PHACTR3: variants seen among roughly 807,000 people sequenced by gnomAD.
The protein encoded by PHACTR3 is phosphatase and actin regulator 3, also known as protein phosphatase 1, regulatory subunit 123.
PHACTR3 carries 16 observed loss-of-function variants against 66.8 expected under a neutral mutation model. The ratio of observed to expected loss-of-function variants is 0.24; its 90% CI spans 0.16 to 0.36. PHACTR3 has a LOEUF of 0.36. Ranked by LOEUF, PHACTR3 falls within the 10% of genes least tolerant of loss-of-function variation. The pLI is 1.00. For missense variants in PHACTR3, 647 were observed against 719.9 expected, an observed-to-expected ratio of 0.90 and a Z score of 1.16; for synonymous variants, 323 against 292.1, an observed-to-expected ratio of 1.11 and a Z score of -1.08.
intron 1 of PHACTR3, among the ~76,000 whole-genome samples, chr20:59,685,313 CT>C (rs2146555819): frequency 6.6e-6 from 1 of 152,328 alleles, no homozygotes; most frequent in East Asian, 1.9e-4. Context: ...CTCATCTTGT[CT>C]TCCATTCCTG....
chr20:59,801,745 G>C (rs1291423578), intron 7 of PHACTR3, among the ~76,000 whole-genome samples: 1 of 152,206 alleles, frequency 6.6e-6, no homozygotes, highest in Non-Finnish European at 1.5e-5. Flanking sequence ...TCTCCATGGA[G>C]TGAAAATGTT....
At chr20:59,712,477 C>T (rs1445812606) in intron 1 of PHACTR3, among the ~76,000 whole-genome samples, 1 of 152,096 alleles carries the variant, frequency 6.6e-6, no homozygotes, top group Non-Finnish European at 1.5e-5. Context: ...TTTTTTTATA[C>T]TGTGGTCCCC....
intron 8 of PHACTR3, among the ~76,000 whole-genome samples, chr20:59,812,609 C>T (rs1252473801): frequency 6.6e-6 from 1 of 152,232 alleles, no homozygotes; most frequent in Non-Finnish European, 1.5e-5. Context: ...GAAACCGTGC[C>T]TGGCCAGCCA....
In PHACTR3 at chr20:59,616,233, G is replaced by A. The variant is rs144874580; in HGVS notation, c.118+11101G>A. 6.7e-3 allele frequency among the ~76,000 whole-genome samples: 1,016 copies of A among 152,198 alleles called. 20 individuals carry two copies. The highest frequency in any genetic ancestry group is 0.023 in the African/African-American group (952 of 41,512). ...TGTAAAGCGTTTAGCACAGTTCCTG[G>A]GACACAGGAAGATCCTGGTCACCAT... On this transcript the variant is annotated intron_variant, in intron 1 of 12. Transcript: ENST00000371015.
rs138776343 is a variant in PHACTR3, at chr20:59,660,471, G to A, written c.118+55339G>A. On this transcript the variant is annotated intron_variant, in intron 1 of 12. Coordinates refer to ENST00000371015, the MANE Select transcript of PHACTR3 (RefSeq NM_080672.5). ...ATTGCGCCACTGCACTCCAGCCTGG[G>A]GGACAGCGAGACTCCGTCTCAAAAA... Among the ~76,000 whole-genome samples the A allele has an allele frequency of 6.0e-3, 918 of 152,292 alleles. 13 individuals are homozygous for A. Among genetic ancestry groups the A allele is most frequent in the African/African-American group, 0.021 (880 of 41,558 alleles).
At chr20:59,739,379 TAAAAC>T (rs2039070591) in intron 1 of PHACTR3, among the ~76,000 whole-genome samples, 1 of 151,952 alleles carries the variant, frequency 6.6e-6, no homozygotes, top group Non-Finnish European at 1.5e-5. Context: ...GTGCCCCCGA[TAAAAC>T]AAAAAAGAAC....
chr20:59,743,048 C>T lies in PHACTR3; in HGVS notation c.119-59C>T, dbSNP rs796991184. Reference sequence around the variant, plus strand: ...GGGTGAGAGGTCATCACCTTGGGCCCCCAGGAGTCACATAGGTTTGGTGGC... The same window carrying T: ...GGGTGAGAGGTCATCACCTTGGGCCTCCAGGAGTCACATAGGTTTGGTGGC... On this transcript the variant is annotated intron_variant, in intron 1 of 12. Transcript: ENST00000371015. 30 of 1,568,180 alleles carry T rather than the reference C, an allele frequency of 1.9e-5. No individual in the cohort carries two copies. In the African/African-American group the frequency reaches 4.0e-4, roughly 21 times the overall value.
chr20:59,782,602 A>T (rs1043422804), intron 7 of PHACTR3, among the ~76,000 whole-genome samples: 2 of 152,190 alleles, frequency 1.3e-5, no homozygotes, highest in Admixed American at 1.3e-4. Context: ...GGGAGGCCTC[A>T]CAATCATGGT....
intron 1 of PHACTR3, among the ~76,000 whole-genome samples, chr20:59,676,463 C>T (rs2036450964): frequency 6.6e-6 from 1 of 152,134 alleles, no homozygotes; most frequent in Non-Finnish European, 1.5e-5. Flanking sequence ...CACCCCCACC[C>T]CCACCTCATC....
At chr20:59,673,886 A>C (rs1307031861) in intron 1 of PHACTR3, among the ~76,000 whole-genome samples, 1 of 152,128 alleles carries the variant, frequency 6.6e-6, no homozygotes, top group East Asian at 1.9e-4. Flanking sequence ...CCTGACCTGC[A>C]CAGTGGAAGA....
At chr20:59,777,891 C>A (rs2146910371) in intron 7 of PHACTR3, among the ~76,000 whole-genome samples, 1 of 152,260 alleles carries the variant, frequency 6.6e-6, no homozygotes, top group Non-Finnish European at 1.5e-5. Flanking sequence ...CAGGGTGTCT[C>A]TGTGGACTCT....
In PHACTR3 at chr20:59,704,165, A is replaced by G. The variant is rs2037611914; in HGVS notation, c.119-38942A>G. Among the ~76,000 whole-genome samples, 3 of 152,196 alleles carry G rather than the reference A, an allele frequency of 2.0e-5. No individual in the cohort carries two copies. In the South Asian group the frequency reaches 6.2e-4, roughly 32 times the overall value. ...CAAGTGGCCTTCCCATCGGCAAGGA[A>G]TAAAATGACCCATCTTTTTATGTTC... On this transcript the variant is annotated intron_variant, in intron 1 of 12. Transcript: ENST00000371015.
rs573416808 is a variant in PHACTR3, at chr20:59,768,922, G to T, written c.751+1527G>T. 2.1e-4 allele frequency among the ~76,000 whole-genome samples: 32 copies of T among 152,370 alleles called. 1 individual carries two copies. Among genetic ancestry groups the T allele is most frequent in the African/African-American group, 7.5e-4 (31 of 41,592 alleles). Reference sequence around the variant, plus strand: ...CTGGGACTGCAGATGTCCTGGATGGGTTAGATGTGGGGCTGTGGTGCCCTG... The same window carrying T: ...CTGGGACTGCAGATGTCCTGGATGGTTTAGATGTGGGGCTGTGGTGCCCTG... On this transcript the variant is annotated intron_variant, in intron 5 of 12. Coordinates refer to ENST00000371015, the MANE Select transcript of PHACTR3 (RefSeq NM_080672.5).
intron 8 of PHACTR3, among the ~76,000 whole-genome samples, chr20:59,809,244 G>T (rs570147427): frequency 6.6e-6 from 1 of 152,116 alleles, no homozygotes; most frequent in Non-Finnish European, 1.5e-5. Context: ...GATAGAGCAC[G>T]AGGTCCTACC....
chr20:59,728,877 T>C (rs949207898), intron 1 of PHACTR3, among the ~76,000 whole-genome samples: 2 of 150,682 alleles, frequency 1.3e-5, no homozygotes, highest in Non-Finnish European at 3.0e-5. Flanking sequence ...GAATTTTGGG[T>C]TGGGTGGGAG....
chr20:59,778,028 C>G (rs1039161159), intron 7 of PHACTR3, among the ~76,000 whole-genome samples: 5 of 152,160 alleles, frequency 3.3e-5, no homozygotes, highest in African/African-American at 1.2e-4. Context: ...TCCTGTGAAG[C>G]TTTTGGCTTT....
At chr20:59,787,928 A>G (rs2040967515) in intron 7 of PHACTR3, among the ~76,000 whole-genome samples, 1 of 152,178 alleles carries the variant, frequency 6.6e-6, no homozygotes, top group South Asian at 2.1e-4. Context: ...ACCAGCTCCC[A>G]TCTGAAATAC....
chr20:59,791,143 G>A (rs957032868), intron 7 of PHACTR3, among the ~76,000 whole-genome samples: 1 of 152,114 alleles, frequency 6.6e-6, no homozygotes, highest in Non-Finnish European at 1.5e-5. Context: ...ATTAAGAGGT[G>A]GGACTTCTAA....
At chr20:59,812,142 G>C (rs1173534613) in intron 8 of PHACTR3, among the ~76,000 whole-genome samples, 1 of 152,242 alleles carries the variant, frequency 6.6e-6, no homozygotes, top group Non-Finnish European at 1.5e-5. Flanking sequence ...GATGGGGCTT[G>C]AGTGTCATTC....
Sources: allele counts gnomAD v4.1 joint callset (sites outside exome capture counted in the v4.1 genomes callset), GRCh38; gene constraint gnomAD v4.1.1; transcripts MANE v1.5; gene names NCBI Gene and HGNC (gene_info 2026-07-23, HGNC 2026-07-21).